FGD4: variants seen among roughly 807,000 people sequenced by gnomAD.
The protein encoded by FGD4 is FYVE, RhoGEF and PH domain-containing protein 4.
A neutral mutation model predicts 102.0 loss-of-function variants in FGD4; 42 were observed. The ratio of observed to expected loss-of-function variants is 0.41; its 90% CI spans 0.32 to 0.53. The LOEUF (loss-of-function observed/expected upper bound fraction) is 0.53. Among genes scored for constraint, FGD4 ranks in the 20% least tolerant of loss-of-function variants. The pLI is 0.21. For missense variants in FGD4, 902 were observed against 1,078.2 expected, an observed-to-expected ratio of 0.84 and a Z score of 2.29; for synonymous variants, 380 against 375.7, an observed-to-expected ratio of 1.01 and a Z score of -0.13.
intron 1 of FGD4, among the ~76,000 whole-genome samples, chr12:32,465,180 C>G (rs1259917133): frequency 1.3e-5 from 2 of 151,930 alleles, no homozygotes; most frequent in East Asian, 3.9e-4. Context: ...TTTGACTACC[C>G]CAAAATTTAA....
At chr12:32,461,115 A>G (rs1263820263) in intron 1 of FGD4, among the ~76,000 whole-genome samples, 1 of 152,242 alleles carries the variant, frequency 6.6e-6, no homozygotes, top group African/African-American at 2.4e-5. Context: ...TCATGTTGAA[A>G]GTTAATATTG....
chr12:32,474,002 G>A (rs1455378051), intron 1 of FGD4, among the ~76,000 whole-genome samples: 1 of 151,860 alleles, frequency 6.6e-6, no homozygotes, highest in African/African-American at 2.4e-5. Flanking sequence ...GCAGGAGAAC[G>A]GCGTGAACCC....
At chr12:32,630,144 T>C (rs111777551) in intron 14 of FGD4, among the ~76,000 whole-genome samples, 288 of 152,300 alleles carry the variant, frequency 1.9e-3, no homozygotes, top group Middle Eastern at 3.4e-3. Context: ...GTGTGTGTTA[T>C]TTTGTTTGTT....
At chr12:32,440,830 G>A (rs1039777802) in intron 1 of FGD4, among the ~76,000 whole-genome samples, 2 of 152,230 alleles carry the variant, frequency 1.3e-5, no homozygotes, top group Admixed American at 1.3e-4. Flanking sequence ...GTAATCTAGT[G>A]TATTGCAGCT....
chr12:32,620,914 C>T (rs1318316397), intron 11 of FGD4, among the ~76,000 whole-genome samples: 1 of 151,694 alleles, frequency 6.6e-6, no homozygotes, highest in African/African-American at 2.4e-5. Context: ...CTGCCCGCCT[C>T]AGCCTCTCAA....
intron 2 of FGD4, among the ~76,000 whole-genome samples, chr12:32,573,346 T>C (rs903737637): frequency 1.3e-5 from 2 of 151,652 alleles, no homozygotes. Flanking sequence ...CCGCCCGCCT[T>C]GGCCTCCCAA....
intron 1 of FGD4, among the ~76,000 whole-genome samples, chr12:32,525,118 A>G (rs896088592): frequency 5.3e-5 from 8 of 152,178 alleles, no homozygotes; most frequent in African/African-American, 1.4e-4. Context: ...CACCAGAGGT[A>G]TCTGCCATCC....
intron 4 of FGD4, among the ~76,000 whole-genome samples, chr12:32,590,621 G>T (rs1358418209): frequency 6.6e-6 from 1 of 152,122 alleles, no homozygotes; most frequent in South Asian, 2.1e-4. Flanking sequence ...TGGCTCATTC[G>T]CTTACTAGCT....
intron 5 of FGD4, among the ~76,000 whole-genome samples, chr12:32,600,148 C>A (rs1449813431): frequency 2.0e-5 from 3 of 152,198 alleles, no homozygotes; most frequent in Admixed American, 1.3e-4. Flanking sequence ...GAAGGAATTT[C>A]ACCATAAGCC....
At chr12:32,502,258 C>A (rs971762069) in intron 1 of FGD4, 1 of 985,354 alleles carries the variant, frequency 1.0e-6, no homozygotes, top group Non-Finnish European at 1.2e-6. Flanking sequence ...TGCTTTGGCT[C>A]GCTGGAAGAA....
intron 1 of FGD4, among the ~76,000 whole-genome samples, chr12:32,488,196 G>T (rs796128331): frequency 4.6e-5 from 7 of 151,488 alleles, no homozygotes; most frequent in African/African-American, 1.7e-4. Flanking sequence ...AAAAGACAGA[G>T]AAAAAGCTTT....
At chr12:32,558,280 T>A in intron 1 of FGD4, among the ~76,000 whole-genome samples, 1 of 152,222 alleles carries the variant, frequency 6.6e-6, no homozygotes, top group East Asian at 1.9e-4. Context: ...TTTTAAAGTA[T>A]GTTTATCCTT....
At chr12:32,580,874 G>A (rs1592289983) in intron 3 of FGD4, among the ~76,000 whole-genome samples, 1 of 146,084 alleles carries the variant, frequency 6.8e-6, no homozygotes, top group Non-Finnish European at 1.5e-5. Context: ...GTGACAGAGT[G>A]AGACTCCGTC....
chr12:32,600,318 G>A, intron 5 of FGD4: 1 of 425,914 alleles, frequency 2.3e-6, no homozygotes, highest in South Asian at 2.2e-5. Context: ...CACTGCTGCT[G>A]ACCTTTTAGA....
At chr12:32,428,647 C>T (rs1941933741) in intron 1 of FGD4, among the ~76,000 whole-genome samples, 1 of 152,082 alleles carries the variant, frequency 6.6e-6, no homozygotes, top group African/African-American at 2.4e-5. Context: ...TGGATAATAT[C>T]CTGAAGAGTG....
At chr12:32,407,381 C>T (rs1940988399) in intron 1 of FGD4, among the ~76,000 whole-genome samples, 1 of 152,080 alleles carries the variant, frequency 6.6e-6, no homozygotes, top group Non-Finnish European at 1.5e-5. Context: ...CTGCCTTAGC[C>T]TCCCAAAGTG....
intron 1 of FGD4, among the ~76,000 whole-genome samples, chr12:32,552,434 A>ATTTTTTTTTTTTTT (rs66646521): frequency 2.5e-5 from 3 of 120,970 alleles, no homozygotes; most frequent in Non-Finnish European, 5.2e-5. Flanking sequence ...TAATTTTTGC[A>ATTTTTTTTTTTTTT]TTTTTTTTTT....
intron 1 of FGD4, among the ~76,000 whole-genome samples, chr12:32,435,251 C>T (rs968709442): frequency 6.6e-6 from 1 of 152,144 alleles, no homozygotes; most frequent in African/African-American, 2.4e-5. Flanking sequence ...CTGGCCACTT[C>T]ATTTCTTTAA....
At chr12:32,593,687 T>A (rs4931022) in intron 4 of FGD4, among the ~76,000 whole-genome samples, 63,843 of 151,752 alleles carry the variant, frequency 0.42, 14,890 homozygotes, top group African/African-American at 0.63. Flanking sequence ...AATACACAGT[T>A]ATATCTGTTA....
Sources: allele counts gnomAD v4.1 joint callset (sites outside exome capture counted in the v4.1 genomes callset), GRCh38; gene constraint gnomAD v4.1.1; transcripts MANE v1.5; gene names NCBI Gene and HGNC (gene_info 2026-07-23, HGNC 2026-07-21).